The following NEK4 variants were observed in gnomAD, a reference collection of about 807,000 sequenced individuals.
NEK4 encodes NIMA related kinase 4, also known as serine/threonine-protein kinase Nek4.
A neutral mutation model predicts 98.4 loss-of-function variants in NEK4; 86 were observed. The ratio of observed to expected loss-of-function variants is 0.87; its 90% confidence interval spans 0.73 to 1.05. The LOEUF (loss-of-function observed/expected upper bound fraction) is 1.05. NEK4 is among the 50% of genes least tolerant of loss of function. The pLI is 0.00. For synonymous variants in NEK4, 328 were observed against 342.2 expected (o/e 0.96, Z 0.46); for missense variants, 898 against 950.3 (o/e 0.94, Z 0.72).
At chr3:52,729,314 G>A (rs1193304370) in intron 15 of NEK4, among the ~76,000 whole-genome samples, 1 of 152,046 alleles carries the variant, frequency 6.6e-6, no homozygotes, top group African/African-American at 2.4e-5. Flanking sequence ...CGACATTTAT[G>A]GAAAATAGAA....
Position 52,763,606 on chromosome 3 carries a change from C to G in NEK4, c.685G>C (p.Asp229His), listed in dbSNP as rs1698438784. Residue 229 changes from aspartate (D) to histidine (H), a missense_variant, in exon 5 of 16, where the codon GAT (aspartate) becomes CAT (histidine). Physicochemically the swap from Asp to His is moderately conservative, Grantham distance 81. Transcript: ENST00000233027. ...AGTTCTGCCAGCTCTGGGCTGTAAT[C>G]TCTTGGCATTGGTGGCAGCTACAAA... Reference protein sequence around the residue: ...IEGKLPPMPRDYSPELAELIR... With the variant: ...IEGKLPPMPRHYSPELAELIR... The G allele has an allele frequency of 3.8e-6, 6 of 1,599,122 alleles. No individual in the cohort carries two copies. The highest frequency in any genetic ancestry group is 5.1e-6 in the Non-Finnish European group (6 of 1,173,952).
At chr3:52,751,231 A>T (rs1263395599) in intron 7 of NEK4, among the ~76,000 whole-genome samples, 2 of 152,040 alleles carry the variant, frequency 1.3e-5, no homozygotes. Context: ...CAAGATGGGC[A>T]GATCACGAGG....
At chr3:52,736,261 T>C (rs11130323) in intron 15 of NEK4, among the ~76,000 whole-genome samples, 52,451 of 152,052 alleles carry the variant, frequency 0.34, 10,010 homozygotes, top group Admixed American at 0.46. Flanking sequence ...AAAAATCCAT[T>C]GATCTTTCAA....
chr3:52,753,965 C>T (rs1198894897), intron 6 of NEK4: 2 of 271,122 alleles, frequency 7.4e-6, no homozygotes, highest in African/African-American at 4.5e-5. Flanking sequence ...GAGTTCGAGA[C>T]CAGCCTGGCT....
chr3:52,751,602 CAA>C (rs1301949296), intron 7 of NEK4, among the ~76,000 whole-genome samples: 1 of 149,626 alleles, frequency 6.7e-6, no homozygotes, highest in African/African-American at 2.5e-5. Flanking sequence ...GCCTGGGAAA[CAA>C]GAGTGAAACT....
chr3:52,712,726 A>G (rs2154101687), intron 15 of NEK4, among the ~76,000 whole-genome samples: 1 of 152,330 alleles, frequency 6.6e-6, no homozygotes, highest in Admixed American at 6.5e-5. Flanking sequence ...TACCCTGGCC[A>G]AACTCCACCT....
rs760859693 is a variant in NEK4, at chr3:52,760,974, A to G, written c.822-38T>C. 6.5e-6 allele frequency: 9 copies of G among 1,379,490 alleles called. No homozygotes were observed. The Admixed American group carries it at 1.8e-4, about 28-fold the overall frequency. The allele number at this position is 1,379,490 out of a possible 1,614,324, so 85.5% of individuals were successfully genotyped here. A position where few individuals can be genotyped will look rare whatever the true frequency, so the allele number is the denominator to read the frequency against. ...GAAAAGAAAGAGTTATTATCAATAT[A>G]CTGAAGATTAAGGGTTTTTAGGTAT... On this transcript the variant is annotated intron_variant, in intron 5 of 15. Transcript: ENST00000233027.
In NEK4 at chr3:52,760,780, T is replaced by TA; in HGVS notation, c.963+14dup. ...TGCAGTTTCTAAAACACATACCCTT[T>TA]AAAAAGAAACGTACCATTATATATG... On this transcript the variant is annotated intron_variant, in intron 6 of 15. Transcript: ENST00000233027. 1 of 1,588,394 alleles carries TA rather than the reference T, an allele frequency of 6.3e-7. No homozygotes were observed. The highest frequency in any genetic ancestry group is 8.6e-7 in the Non-Finnish European group (1 of 1,167,248).
chr3:52,766,996 A>G (rs1232306476), intron 2 of NEK4, among the ~76,000 whole-genome samples: 2 of 151,972 alleles, frequency 1.3e-5, no homozygotes, highest in African/African-American at 4.8e-5. Flanking sequence ...CCGTCTCAAA[A>G]AAAAAAAAAA....
chr3:52,736,998 G>A (rs1054479163), intron 15 of NEK4, among the ~76,000 whole-genome samples: 5 of 152,064 alleles, frequency 3.3e-5, no homozygotes, highest in Non-Finnish European at 7.4e-5. Flanking sequence ...GTGCAGTAGC[G>A]TAATCTCAGC....
At chr3:52,725,008 G>C (rs529976551) in intron 15 of NEK4, among the ~76,000 whole-genome samples, 1 of 152,042 alleles carries the variant, frequency 6.6e-6, no homozygotes, top group Non-Finnish European at 1.5e-5. Context: ...AAACAGATGG[G>C]CAACTATAAA....
At chr3:52,745,515 A>T (rs1440865126) in intron 10 of NEK4, among the ~76,000 whole-genome samples, 1 of 150,688 alleles carries the variant, frequency 6.6e-6, no homozygotes, top group African/African-American at 2.4e-5. Context: ...GGAGGCGGAG[A>T]TTGTAGTGAG....
intron 15 of NEK4, among the ~76,000 whole-genome samples, chr3:52,734,452 CA>C (rs76013023): frequency 1.7e-3 from 171 of 100,542 alleles, no homozygotes; most frequent in Admixed American, 1.6e-3. Flanking sequence ...GACTCCAACT[CA>C]AAAAAAAAAA....
Position 52,752,241 on chromosome 3 carries a change from C to T in NEK4, c.1059G>A (p.Leu353=). The change falls in exon 7 of 16, where the codon TTG becomes TTA. Residue 353 remains leucine, a synonymous_variant. Transcript: ENST00000233027. ...TTGTGGCTAGTTCTGTGGTATTGCT[C>T]AAGTCCTGTTTGCAGGTATGGGCTT... The part of the protein sequence containing the change: ...SLKAHTCKQD[L]SNTTELATIS... 6.2e-7 allele frequency: 1 copy of T among 1,614,196 alleles called. No homozygotes were observed. The highest frequency in any genetic ancestry group is 8.5e-7 in the Non-Finnish European group (1 of 1,180,036).
rs1448190298 is a variant in NEK4, at chr3:52,711,886, A to C, written c.2434-17T>G. The C allele has an allele frequency of 1.4e-6, 2 of 1,471,046 alleles. No homozygotes were observed. Among genetic ancestry groups the C allele is most frequent in the Admixed American group, 1.7e-5 (1 of 58,250 alleles). The allele number at this position is 1,471,046 out of a possible 1,614,324, so 91.1% of individuals were successfully genotyped here. A position where few individuals can be genotyped will look rare whatever the true frequency, so the allele number is the denominator to read the frequency against. ...CAAACGTACCTATTTGAGAAACAAAAAGAAAATCAATCAGTATGTAGTAGG... is the reference window on the plus strand; with the variant it reads ...CAAACGTACCTATTTGAGAAACAAACAGAAAATCAATCAGTATGTAGTAGG... On this transcript the variant is annotated splice_polypyrimidine_tract_variant and intron_variant, in intron 15 of 15. Coordinates refer to ENST00000233027, the MANE Select transcript of NEK4 (RefSeq NM_003157.6).
Position 52,741,402 on chromosome 3 carries a change from A to G in NEK4, c.2093+9T>C. On this transcript the variant is annotated intron_variant, in intron 13 of 15. Coordinates refer to ENST00000233027, the MANE Select transcript of NEK4 (RefSeq NM_003157.6). The stretch of plus-strand genomic sequence containing the variant: ...GTTTATAAAGGGAGACAGAAAAACA[A>G]GAACTTACCCTTCCCCGTAATCCCC... The G allele has an allele frequency of 2.6e-6, 4 of 1,550,130 alleles. No homozygotes were observed. The highest frequency in any genetic ancestry group is 3.6e-6 in the Non-Finnish European group (4 of 1,123,094).
rs150322055 is a variant in NEK4, at chr3:52,712,649, G to C, written c.2434-780C>G. Among the ~76,000 whole-genome samples, 832 of 152,250 alleles carry C rather than the reference G, an allele frequency of 5.5e-3. 13 individuals carry two copies. The South Asian group carries it at 0.067, about 12-fold the overall frequency. ...AGTGAAAGTAGCTCTCAGCAGATGC[G>C]GGAACCAGAAGGAAGATGGTTTTCC... On this transcript the variant is annotated intron_variant, in intron 15 of 15. Transcript: ENST00000233027.
At chr3:52,729,143 CCT>C (rs2097367238) in intron 15 of NEK4, among the ~76,000 whole-genome samples, 2 of 152,176 alleles carry the variant, frequency 1.3e-5, no homozygotes, top group Admixed American at 1.3e-4. Context: ...TGACCTACTC[CCT>C]GCTTGTACAC....
chr3:52,731,572 G>A (rs1011194943), intron 15 of NEK4, among the ~76,000 whole-genome samples: 11 of 152,140 alleles, frequency 7.2e-5, no homozygotes, highest in East Asian at 1.9e-4. Flanking sequence ...ACATGGTGAC[G>A]GGACAACAGG....
Sources: allele counts gnomAD v4.1 joint callset (sites outside exome capture counted in the v4.1 genomes callset), GRCh38; gene constraint gnomAD v4.1.1; transcripts MANE v1.5; gene names NCBI Gene and HGNC (gene_info 2026-07-23, HGNC 2026-07-21).